PATJ: variants seen among roughly 807,000 people sequenced by gnomAD.
The protein encoded by PATJ is inaD-like protein.
In PATJ, 190 loss-of-function variants were observed where a neutral mutation model predicts 224.9. The ratio of observed to expected loss-of-function variants is 0.84; its 90% CI spans 0.75 to 0.95. PATJ has a LOEUF of 0.95. Among genes scored for constraint, PATJ ranks in the 40% least tolerant of loss-of-function variants. The probability of loss-of-function intolerance (pLI) is 0.00; values close to 1 mark genes in which losing one functional copy is unlikely to be tolerated. For missense variants in PATJ, 2,121 were observed against 2,270.3 expected, an observed-to-expected ratio of 0.93 and a Z score of 1.34; for synonymous variants, 769 against 820.3, an observed-to-expected ratio of 0.94 and a Z score of 1.07.
At chr1:61,892,948 G>A (rs1372311004) in intron 22 of PATJ, among the ~76,000 whole-genome samples, 1 of 152,136 alleles carries the variant, frequency 6.6e-6, no homozygotes, top group Non-Finnish European at 1.5e-5. Flanking sequence ...ATCATACTTA[G>A]TGACAGTGCA....
At chr1:61,908,189 T>G (rs1322694719) in intron 24 of PATJ, among the ~76,000 whole-genome samples, 183 bp from the exon 25 acceptor site, 1 of 152,238 alleles carries the variant, frequency 6.6e-6, no homozygotes, top group African/African-American at 2.4e-5. Context: ...GAAATGTTAC[T>G]TTCCTTGAAC....
intron 43 of PATJ, among the ~76,000 whole-genome samples, 162 bp from the exon 44 acceptor site, chr1:62,160,742 TCTTA>T (rs1326817867): frequency 1.3e-5 from 2 of 152,212 alleles, no homozygotes; most frequent in Non-Finnish European, 2.9e-5. Context: ...AAACAGCATA[TCTTA>T]CTTTTTTCCT....
chr1:62,005,258 C>T (rs183542983), intron 28 of PATJ, among the ~76,000 whole-genome samples: 90 of 152,034 alleles, frequency 5.9e-4, no homozygotes, highest in African/African-American at 2.1e-3. Flanking sequence ...GCCTCAGCTT[C>T]CTGAGTGGCC....
At chr1:61,752,311 C>CTTTTTTTTTT (rs370759266) in intron 1 of PATJ, among the ~76,000 whole-genome samples, 3 of 124,000 alleles carry the variant, frequency 2.4e-5, no homozygotes, top group African/African-American at 9.2e-5. Context: ...TCATTTCTTT[C>CTTTTTTTTTT]TTTTTTTTTT....
In PATJ at chr1:61,791,424, G is replaced by T. The variant is rs548467170; in HGVS notation, c.1145G>T (p.Gly382Val). 6.2e-7 allele frequency: 1 copy of T among 1,604,982 alleles called. No individual in the cohort carries two copies. Among genetic ancestry groups the T allele is most frequent in the Admixed American group, 1.7e-5 (1 of 59,960 alleles). The change falls in exon 9 of 44, where the codon GGC (glycine) becomes GTC (valine). Residue 382 changes from glycine (G) to valine (V), a missense_variant. Transcript: ENST00000642238. ...CAGAGTCTTGGAATTAGAATTGTTGGCTATGTTGGAACATCTCATACAGGT... is the reference window on the plus strand; with the variant it reads ...CAGAGTCTTGGAATTAGAATTGTTGTCTATGTTGGAACATCTCATACAGGT... ...DGQSLGIRIV[G>V]YVGTSHTGEA...
chr1:62,078,615 G>C (rs1464223117), intron 31 of PATJ, among the ~76,000 whole-genome samples: 1 of 151,750 alleles, frequency 6.6e-6, no homozygotes, highest in Non-Finnish European at 1.5e-5. Flanking sequence ...ATATTCATTG[G>C]AGGTACTGTC....
intron 28 of PATJ, chr1:61,991,356 G>C: frequency 1.9e-5 from 5 of 269,834 alleles, no homozygotes; most frequent in Non-Finnish European, 2.8e-5. Context: ...GTGCTTTAAA[G>C]CCTATTTGTT....
At position 61,881,569 on chromosome 1, in the gene PATJ, G is replaced by A. The variant is rs367664539; in HGVS notation, c.2960-2668G>A. Among the ~76,000 whole-genome samples the A allele has an allele frequency of 5.7e-3, 872 of 151,860 alleles. 8 individuals carry two copies. The highest frequency in any genetic ancestry group is 0.021 in the African/African-American group (850 of 41,416). On this transcript the variant is annotated intron_variant, in intron 21 of 43. Coordinates refer to ENST00000642238, the MANE Select transcript of PATJ (RefSeq NM_001350145.3). ...TGGGATTACAGGTGTGTGCCACCAC[G>A]CCTGGCTAATTTTTGTATTTTTAGT... is the stretch of plus-strand genomic sequence containing the variant.
intron 31 of PATJ, among the ~76,000 whole-genome samples, chr1:62,071,616 C>G (rs1247131627): frequency 6.6e-6 from 1 of 151,420 alleles, no homozygotes; most frequent in Non-Finnish European, 1.5e-5. Context: ...GCCTCAGACT[C>G]CCGAGTAACT....
At chr1:61,909,912 T>TGTGTC (rs1557861619) in intron 25 of PATJ, among the ~76,000 whole-genome samples, 1 of 152,356 alleles carries the variant, frequency 6.6e-6, no homozygotes, top group East Asian at 1.9e-4. Flanking sequence ...GCACCTCTGC[T>TGTGTC]GTGTCACTGC....
chr1:61,756,468 T>A (rs1174173248), intron 1 of PATJ, among the ~76,000 whole-genome samples: 5 of 152,244 alleles, frequency 3.3e-5, no homozygotes, highest in African/African-American at 1.2e-4. Context: ...CTCTGCAATT[T>A]GTGTTTTAAC....
intron 1 of PATJ, among the ~76,000 whole-genome samples, chr1:61,758,600 A>G (rs1481748558): frequency 6.6e-6 from 1 of 151,526 alleles, no homozygotes; most frequent in East Asian, 1.9e-4. Flanking sequence ...GCCCACCTTG[A>G]CCTCCCAAAG....
At chr1:62,160,757 A>T in intron 43 of PATJ, 151 bp from the exon 44 acceptor site, 1 of 662,432 alleles carries the variant, frequency 1.5e-6, no homozygotes, top group Non-Finnish European at 2.4e-6. Context: ...CTTTTTTCCT[A>T]ATTTAAAACA....
At chr1:62,025,002 C>A (rs1176283403) in intron 29 of PATJ, among the ~76,000 whole-genome samples, 1 of 152,174 alleles carries the variant, frequency 6.6e-6, no homozygotes. Flanking sequence ...CAAGCCTGAT[C>A]CTATAGCCTA....
chr1:61,843,572 C>T (rs1661445640), intron 17 of PATJ, among the ~76,000 whole-genome samples: 1 of 151,886 alleles, frequency 6.6e-6, no homozygotes, highest in Non-Finnish European at 1.5e-5. Flanking sequence ...ACTGTCTCTA[C>T]AAAACCAAAA....
rs1383943964 is a variant in PATJ at position 61,823,043 on chromosome 1, A to G, written c.1782A>G (p.Thr594=). 1.4e-5 allele frequency: 22 copies of G among 1,613,992 alleles called. No individual in the cohort carries two copies. The highest frequency in any genetic ancestry group is 4.5e-5 in the East Asian group (2 of 44,884). ...TTGTTTCTGGTGGTCCTGTTGATAC[A>G]TTGGGTCTCCTACAGCCAGAAGATG... ...SSIVSGGPVD[T]LGLLQPEDEL... is the part of the protein sequence containing the mutation. Residue 594 remains threonine (T), a synonymous_variant, in exon 15 of 44, where the codon ACA becomes ACG. Transcript: ENST00000642238.
At chr1:62,020,646 G>C (rs1049999468) in intron 29 of PATJ, among the ~76,000 whole-genome samples, 3 of 152,112 alleles carry the variant, frequency 2.0e-5, no homozygotes, top group African/African-American at 7.2e-5. Flanking sequence ...AGAATTTGTT[G>C]ACTAAATTAA....
intron 25 of PATJ, among the ~76,000 whole-genome samples, chr1:61,912,300 T>C (rs1557865423): frequency 6.6e-6 from 1 of 152,088 alleles, no homozygotes; most frequent in Non-Finnish European, 1.5e-5. Context: ...CTCTGCTATT[T>C]GAAAAACAGT....
chr1:61,797,481 A>C (rs1257994992), intron 11 of PATJ, 53 bp downstream of exon 11: 7 of 1,498,524 alleles, frequency 4.7e-6, no homozygotes, highest in South Asian at 2.4e-5. Flanking sequence ...TTGGAAGAGC[A>C]GTTCAATTAT....
Sources: allele counts gnomAD v4.1 joint callset (sites outside exome capture counted in the v4.1 genomes callset), GRCh38; gene constraint gnomAD v4.1.1; transcripts MANE v1.5; gene names NCBI Gene and HGNC (gene_info 2026-07-23, HGNC 2026-07-21).